The following STK33 variants were observed in gnomAD, a reference collection of about 807,000 sequenced individuals.
STK33 encodes serine/threonine kinase 33.
In STK33, 52 loss-of-function variants were observed where a neutral mutation model predicts 58.0. The observed-to-expected ratio is 0.90, with a 90% CI of 0.72 to 1.13. The LOEUF (loss-of-function observed/expected upper bound fraction) is 1.13. Ranked by LOEUF, STK33 falls within the 50% of genes most tolerant of loss-of-function variation. The pLI is 0.00. For synonymous variants in STK33, 215 were observed against 200.1 expected (o/e 1.07, Z -0.63); for missense variants, 630 against 604.2 (o/e 1.04, Z -0.45).
chr11:8,376,722 T>C, the STK33 span, among the ~76,000 whole-genome samples: 5 of 152,070 alleles, frequency 3.3e-5, no homozygotes, highest in Non-Finnish European at 7.4e-5. Context: ...TTTGTATTTT[T>C]AGTAGAGATG....
At chr11:8,338,876 A>C in the STK33 span, among the ~76,000 whole-genome samples, 34 of 152,212 alleles carry the variant, frequency 2.2e-4, no homozygotes, top group Non-Finnish European at 4.6e-4. Flanking sequence ...CATACAGCCC[A>C]GGGCCTGGCT....
intron 1 of STK33, among the ~76,000 whole-genome samples, chr11:8,561,257 T>C (rs1413396727): frequency 6.6e-6 from 1 of 152,186 alleles, no homozygotes; most frequent in Non-Finnish European, 1.5e-5. Context: ...TTGAGAATAT[T>C]GGTTGTTATC....
chr11:8,346,758 C>T, the STK33 span, among the ~76,000 whole-genome samples: 18,600 of 152,156 alleles, frequency 0.12, 1,297 homozygotes, highest in African/African-American at 0.19. Flanking sequence ...TGCCGTAACT[C>T]AAGCCAGGCA....
chr11:8,447,438 A>G (rs1397145574), intron 11 of STK33, among the ~76,000 whole-genome samples: 1 of 152,208 alleles, frequency 6.6e-6, no homozygotes, highest in African/African-American at 2.4e-5. Flanking sequence ...CTTATCCACC[A>G]TGATCAAGTG....
At chr11:8,398,802 G>A (rs1192891491) in intron 15 of STK33, among the ~76,000 whole-genome samples, 2 of 144,922 alleles carry the variant, frequency 1.4e-5, no homozygotes, top group Non-Finnish European at 3.0e-5. Flanking sequence ...AAAAAAAAAA[G>A]CAGGGGTTGC....
At chr11:8,475,514 T>G (rs1254615257) in intron 4 of STK33, 1 of 152,184 alleles carries the variant, frequency 6.6e-6, no homozygotes, top group African/African-American at 2.4e-5. Context: ...ATCTATTGAT[T>G]ATTAGAGCAA....
At chr11:8,489,444 C>T (rs1188783048) in intron 1 of STK33, among the ~76,000 whole-genome samples, 1 of 152,044 alleles carries the variant, frequency 6.6e-6, no homozygotes, top group East Asian at 1.9e-4. Context: ...GCTTATTTGG[C>T]TCATGGTTCT....
At chr11:8,445,972 C>A (rs1945402237) in intron 11 of STK33, among the ~76,000 whole-genome samples, 1 of 152,144 alleles carries the variant, frequency 6.6e-6, no homozygotes, top group African/African-American at 2.4e-5. Context: ...CCTCCTTGTA[C>A]CTCTGGTAGA....
chr11:8,396,550 T>C (rs866689919), intron 15 of STK33, among the ~76,000 whole-genome samples: 3 of 151,930 alleles, frequency 2.0e-5, no homozygotes, highest in African/African-American at 7.3e-5. Context: ...CCAGCGTGAG[T>C]GACGCAGAAG....
intron 6 of STK33, among the ~76,000 whole-genome samples, chr11:8,469,918 G>C (rs1301143807): frequency 1.3e-5 from 2 of 152,230 alleles, no homozygotes; most frequent in Non-Finnish European, 2.9e-5. Flanking sequence ...AAACCATGCT[G>C]TAAGCAAAGG....
At chr11:8,522,712 A>G (rs955725338) in intron 1 of STK33, among the ~76,000 whole-genome samples, 7 of 152,278 alleles carry the variant, frequency 4.6e-5, no homozygotes, top group African/African-American at 1.7e-4. Flanking sequence ...CAGTCAGCAA[A>G]ACAAAAAAAG....
In STK33 at chr11:8,532,999, T is replaced by C. The variant is rs1369092457; in HGVS notation, c.-465-52385A>G. 2.6e-5 allele frequency among the ~76,000 whole-genome samples: 4 copies of C among 152,212 alleles called. No individual in the cohort carries two copies. The East Asian group carries it at 7.7e-4, about 29-fold the overall frequency. On this transcript the variant is annotated intron_variant, in intron 1 of 15. Transcript: ENST00000687296. The stretch of plus-strand genomic sequence containing the variant: ...TTTTGTGATTTTTATCAGAGTATAA[T>C]ACAGACCAATTCTGTCATGTTTGTA...
chr11:8,477,989 T>C (rs1949441614), intron 2 of STK33, among the ~76,000 whole-genome samples: 1 of 152,208 alleles, frequency 6.6e-6, no homozygotes. Context: ...AATAGCTGCA[T>C]GCAAAATTTC....
Position 8,452,894 on chromosome 11 carries a change from C to CA in STK33, c.798dup (p.Gly267TrpfsTer9). 1 of 1,614,038 alleles carries CA rather than the reference C, an allele frequency of 6.2e-7. No homozygotes were observed. Among genetic ancestry groups the CA allele is most frequent in the East Asian group, 2.2e-5 (1 of 44,880 alleles). ...CTACTTTGCTTCTTCACCGCTAAGC[C>CA]AAAATCAGTCACCTGGGAGAAGAAA... On this transcript the variant is annotated frameshift_variant, in exon 11 of 16. Transcript: ENST00000687296. LOFTEE classifies it high-confidence loss of function.
At chr11:8,459,345 G>A (rs1052010127) in intron 8 of STK33, among the ~76,000 whole-genome samples, 1 of 151,980 alleles carries the variant, frequency 6.6e-6, no homozygotes, top group Admixed American at 6.6e-5. Flanking sequence ...GTATTTATGA[G>A]GCAGAGGGTG....
chr11:8,467,988 C>T (rs976837097), intron 6 of STK33, among the ~76,000 whole-genome samples: 7 of 151,580 alleles, frequency 4.6e-5, no homozygotes, highest in African/African-American at 1.2e-4. Context: ...ATCTTTTTGG[C>T]AGCACCCCAC....
intron 1 of STK33, among the ~76,000 whole-genome samples, chr11:8,492,125 C>T (rs1489470873): frequency 6.6e-6 from 1 of 152,084 alleles, no homozygotes; most frequent in Non-Finnish European, 1.5e-5. Context: ...GGGCTAAATG[C>T]CCCAATTAAA....
At chr11:8,357,877 A>G in the STK33 span, among the ~76,000 whole-genome samples, 1 of 152,240 alleles carries the variant, frequency 6.6e-6, no homozygotes, top group African/African-American at 2.4e-5. Flanking sequence ...AGAGCCCCAC[A>G]TTAGGAAATG....
chr11:8,521,134 A>G (rs536260556), intron 1 of STK33, among the ~76,000 whole-genome samples: 2 of 152,150 alleles, frequency 1.3e-5, no homozygotes, highest in South Asian at 4.1e-4. Flanking sequence ...ACTACTTTAA[A>G]GTTCATATGG....
Sources: gnomAD v4.1 joint callset for allele counts (sites outside exome capture counted in the v4.1 genomes callset) on GRCh38, gnomAD v4.1.1 for gene constraint, MANE v1.5 for transcripts, NCBI Gene and HGNC (gene_info 2026-07-23, HGNC 2026-07-21) for gene names.